The following TEX11 variants were observed in gnomAD, a reference collection of about 807,000 sequenced individuals.
The protein encoded by TEX11 is testis-expressed protein 11.
Under a neutral mutation model 84.4 loss-of-function variants are expected in TEX11, and 7 were observed. The ratio of observed to expected loss-of-function variants is 0.08; its 90% confidence interval spans 0.05 to 0.16. TEX11 has a LOEUF of 0.16. Among genes scored for constraint, TEX11 ranks in the 10% least tolerant of loss-of-function variants. The pLI is 1.00. For synonymous variants in TEX11, 264 were observed against 222.8 expected (o/e 1.18, Z -1.64); for missense variants, 551 against 660.5 (o/e 0.83, Z 1.82).
At chrX:70,882,953 T>A (rs1274133531) in intron 2 of TEX11, among the ~76,000 whole-genome samples, 1 of 111,754 alleles carries the variant, frequency 8.9e-6, no homozygotes, top group East Asian at 2.8e-4. Context: ...AAAACATATT[T>A]TCAGTGTTAT....
intron 9 of TEX11, among the ~76,000 whole-genome samples, chrX:70,776,063 AC>A (rs149402190): frequency 0.39 from 39,741 of 100,869 alleles, 6,806 homozygotes; most frequent in East Asian, 0.54. Context: ...AAAAAAAAAA[AC>A]AAACTTATAA....
At chrX:70,583,087 A>G (rs1002256629) in intron 25 of TEX11, among the ~76,000 whole-genome samples, 6 of 110,927 alleles carry the variant, frequency 5.4e-5, no homozygotes, top group African/African-American at 2.0e-4. Flanking sequence ...GGCACTCATG[A>G]TCCTATTTAT....
chrX:70,897,693 AAGAAAGAAAGAAAGAAAGAAAG>A (rs1569463206), intron 2 of TEX11: 29 of 77,555 alleles, frequency 3.7e-4, no homozygotes, highest in East Asian at 2.1e-3. Flanking sequence ...GAAAGAAAGA[AAGAAAGAAAGAAAGAAAGAAAG>A]AAAGAAAGAA....
intron 9 of TEX11, among the ~76,000 whole-genome samples, chrX:70,804,830 T>C (rs894345849): frequency 9.0e-6 from 1 of 111,153 alleles, no homozygotes; most frequent in Non-Finnish European, 1.9e-5. Flanking sequence ...AGTCATGCCA[T>C]GTCAGGCCTC....
intron 13 of TEX11, among the ~76,000 whole-genome samples, chrX:70,687,978 T>C (rs1277803220): frequency 9.2e-6 from 1 of 109,189 alleles, no homozygotes; most frequent in Non-Finnish European, 1.9e-5. Flanking sequence ...AAAAAAAAAC[T>C]GCATGGAGCC....
chrX:70,554,757 G>A lies in TEX11; in HGVS notation c.2184C>T (p.Tyr728=), dbSNP rs747561868. The A allele has an allele frequency of 1.0e-5, 12 of 1,205,848 alleles. No individual in the cohort carries two copies. Among genetic ancestry groups the A allele is most frequent in the Middle Eastern group, 2.3e-4 (1 of 4,353 alleles). The stretch of plus-strand genomic sequence containing the variant: ...TCAATTTGGCTCTAACTTCAAACTC[G>A]TACAGCAGAAGCAATTTCTCACATG... ...NDSCEKLLLL[Y]EFEVRAKLND... is the part of the protein sequence containing the mutation. The change falls in exon 26 of 30, where the codon TAC becomes TAT. Residue 728 remains tyrosine (Y), a synonymous_variant. Coordinates refer to ENST00000374333, the MANE Select transcript of TEX11 (RefSeq NM_031276.3).
intron 15 of TEX11, among the ~76,000 whole-genome samples, chrX:70,674,794 C>A (rs2090055365): frequency 9.0e-6 from 1 of 111,040 alleles, no homozygotes; most frequent in South Asian, 3.8e-4. Context: ...GTCATTTTCA[C>A]TTAATGTGAT....
intron 9 of TEX11, among the ~76,000 whole-genome samples, chrX:70,788,965 TATATATATAGAGAGAGAG>T (rs1184541106): frequency 3.1e-3 from 124 of 39,953 alleles, no homozygotes; most frequent in Non-Finnish European, 3.9e-3. Flanking sequence ...TATATATATA[TATATATATAGAGAGAGAG>T]AGAGAGAGAG....
intron 9 of TEX11, among the ~76,000 whole-genome samples, chrX:70,764,693 A>G (rs2090929141): frequency 9.0e-6 from 1 of 111,555 alleles, no homozygotes; most frequent in Admixed American, 9.6e-5. Flanking sequence ...GCCACTATGA[A>G]CAGCTATATG....
intron 28 of TEX11, among the ~76,000 whole-genome samples, chrX:70,543,024 G>A (rs937046438): frequency 9.1e-6 from 1 of 109,748 alleles, no homozygotes; most frequent in Admixed American, 9.7e-5. Context: ...TACTAAAAAT[G>A]CAAAAAAATT....
At chrX:70,757,438 C>T (rs1278523076) in intron 9 of TEX11, among the ~76,000 whole-genome samples, 2 of 112,081 alleles carry the variant, frequency 1.8e-5, no homozygotes, top group African/African-American at 6.5e-5. Flanking sequence ...ACAAACCCTA[C>T]AAGCCAGAAG....
chrX:70,536,179 T>C (rs1021422740), intron 28 of TEX11, among the ~76,000 whole-genome samples: 1 of 111,377 alleles, frequency 9.0e-6, no homozygotes, highest in African/African-American at 3.3e-5. Context: ...TATGTGCTGC[T>C]ATAAGTACTT....
chrX:70,749,109 T>G (rs1199511375), intron 9 of TEX11, among the ~76,000 whole-genome samples: 1 of 106,022 alleles, frequency 9.4e-6, no homozygotes, highest in Non-Finnish European at 1.9e-5. Flanking sequence ...AGCAGTGGTT[T>G]GTAGTTCTCC....
chrX:70,660,872 T>A (rs1301826038), intron 16 of TEX11, among the ~76,000 whole-genome samples: 1 of 111,840 alleles, frequency 8.9e-6, no homozygotes, highest in African/African-American at 3.3e-5. Flanking sequence ...CCCGTCTCTA[T>A]TAAAAATACA....
chrX:70,868,651 G>A (rs2091612015), intron 4 of TEX11, among the ~76,000 whole-genome samples: 1 of 111,585 alleles, frequency 9.0e-6, no homozygotes, highest in Admixed American at 9.6e-5. Flanking sequence ...TGATAGACTG[G>A]ATAAAGAAAA....
At chrX:70,696,464 A>T (rs753483450) in intron 13 of TEX11, among the ~76,000 whole-genome samples, 30 of 111,858 alleles carry the variant, frequency 2.7e-4, no homozygotes, top group Admixed American at 7.6e-4. Context: ...ATTGCCACAA[A>T]CTTAGTGATT....
At chrX:70,861,178 C>T (rs1443741773) in intron 4 of TEX11, among the ~76,000 whole-genome samples, 1 of 101,557 alleles carries the variant, frequency 9.8e-6, no homozygotes, top group Non-Finnish European at 2.0e-5. Flanking sequence ...TCTCCTGCCT[C>T]AGCCTCCCAA....
At chrX:70,704,216 G>A (rs1310764000) in intron 13 of TEX11, among the ~76,000 whole-genome samples, 1 of 109,625 alleles carries the variant, frequency 9.1e-6, no homozygotes, top group African/African-American at 3.3e-5. Context: ...CCCCAGAAAC[G>A]GATGCTGCCA....
At chrX:70,605,248 A>C (rs753591589) in intron 24 of TEX11, among the ~76,000 whole-genome samples, 153 bp downstream of exon 24, 1 of 112,161 alleles carries the variant, frequency 8.9e-6, no homozygotes, top group South Asian at 3.7e-4. Flanking sequence ...TTGCTTAGGA[A>C]GGAATTAGCC....
Sources: gnomAD v4.1 joint callset for allele counts (sites outside exome capture counted in the v4.1 genomes callset) on GRCh38, gnomAD v4.1.1 for gene constraint, MANE v1.5 for transcripts, NCBI Gene and HGNC (gene_info 2026-07-23, HGNC 2026-07-21) for gene names.